Variants in AGPAT3 observed in about 807,000 individuals in gnomAD.
AGPAT3 encodes 1-acyl-sn-glycerol-3-phosphate acyltransferase gamma.
AGPAT3 carries 5 observed loss-of-function variants against 47.3 expected under a neutral mutation model. The observed-to-expected ratio is 0.11, with a 90% CI of 0.06 to 0.22. The LOEUF (loss-of-function observed/expected upper bound fraction) is 0.22, where lower values mean the gene tolerates loss of function less well. Ranked by LOEUF, AGPAT3 falls within the 10% of genes least tolerant of loss-of-function variation. The pLI, the probability that AGPAT3 is intolerant of heterozygous loss-of-function variation, is 1.00. For synonymous variants in AGPAT3, 212 were observed against 208.3 expected (o/e 1.02, Z -0.15); for missense variants, 315 against 493.0 (o/e 0.64, Z 3.42).
chr21:43,944,131 C>T lies in AGPAT3; in HGVS notation c.-48-15503C>T, dbSNP rs1277710327. 5.3e-5 allele frequency among the ~76,000 whole-genome samples: 8 copies of T among 152,258 alleles called. No individual in the cohort carries two copies. In the East Asian group the frequency reaches 9.6e-4, roughly 18 times the overall value. ...AGTATGGAAACGAGCCACAGCACCA[C>T]GTGTGCTAGGGCCCCAGCATTTCAC... On this transcript the variant is annotated intron_variant, in intron 2 of 9. Transcript: ENST00000291572.
rs372807210 is a variant in AGPAT3 at position 43,969,290 on chromosome 21, G to A, written c.510+11G>A. On this transcript the variant is annotated intron_variant, in intron 5 of 9. Coordinates refer to ENST00000291572, the MANE Select transcript of AGPAT3 (RefSeq NM_020132.5). ...CCCGAGTACATGTGGGTGAGTGCGC[G>A]GAGCAGCCCGATACCCTGCATGCCT... The A allele has an allele frequency of 7.8e-5, 126 of 1,614,028 alleles. No individual in the cohort carries two copies. The highest frequency in any genetic ancestry group is 1.6e-4 in the East Asian group (7 of 44,876).
At chr21:43,974,565 T>G (rs987955937) in intron 7 of AGPAT3, among the ~76,000 whole-genome samples, 2 of 150,852 alleles carry the variant, frequency 1.3e-5, no homozygotes, top group Admixed American at 6.6e-5. Context: ...GGTGTGTGTG[T>G]AGTGTGTGTA....
At chr21:43,937,815 T>C (rs1667225882) in intron 2 of AGPAT3, among the ~76,000 whole-genome samples, 1 of 152,134 alleles carries the variant, frequency 6.6e-6, no homozygotes, top group South Asian at 2.1e-4. Context: ...TCATTAACTA[T>C]CTCTAAGGCA....
chr21:43,964,865 G>C (rs936885093), intron 3 of AGPAT3: 3 of 152,382 alleles, frequency 2.0e-5, no homozygotes, highest in Non-Finnish European at 2.9e-5. Context: ...TGCAGTCAGA[G>C]GTATGTGGAA....
chr21:43,953,886 CA>C (rs2088319480), intron 2 of AGPAT3, among the ~76,000 whole-genome samples: 1 of 152,232 alleles, frequency 6.6e-6, no homozygotes, highest in African/African-American at 2.4e-5. Context: ...GTAATCCCAG[CA>C]CTCTGGGAGG....
Position 43,986,771 on chromosome 21 carries a change from T to G in AGPAT3, c.*4379T>G, listed in dbSNP as rs945293840. ...TCTATGATTGAAAATCTGCCATCGC[T>G]GACTGTTGGCCAGTTTCAAAGGGAC... On this transcript the variant is annotated 3_prime_UTR_variant, in exon 10 of 10. Coordinates refer to ENST00000291572, the MANE Select transcript of AGPAT3 (RefSeq NM_020132.5). Among the ~76,000 whole-genome samples, 21 of 152,262 alleles carry G rather than the reference T, an allele frequency of 1.4e-4. No homozygotes were observed. The highest frequency in any genetic ancestry group is 4.8e-4 in the African/African-American group (20 of 41,476).
intron 2 of AGPAT3, among the ~76,000 whole-genome samples, chr21:43,946,152 C>A (rs1307618761): frequency 6.6e-6 from 1 of 152,246 alleles, no homozygotes; most frequent in Non-Finnish European, 1.5e-5. Context: ...GGTTGTCCTG[C>A]AGCCTCAGGT....
intron 1 of AGPAT3, among the ~76,000 whole-genome samples, chr21:43,871,086 G>A (rs117692657): frequency 6.6e-6 from 1 of 152,228 alleles, no homozygotes; most frequent in Non-Finnish European, 1.5e-5. Context: ...AATTACAAAT[G>A]TTGCCAACTG....
rs186436653 is a variant in AGPAT3 at position 43,902,445 on chromosome 21, T to G, written c.-111-1512T>G. The stretch of plus-strand genomic sequence containing the variant: ...GGGCTGCTATAAAAAAAGTTAACAC[T>G]GACTGGCTGGCTTAAGTAACAGAAA... On this transcript the variant is annotated intron_variant, in intron 1 of 9. Coordinates refer to ENST00000291572, the MANE Select transcript of AGPAT3 (RefSeq NM_020132.5). 4.9e-3 allele frequency among the ~76,000 whole-genome samples: 743 copies of G among 152,374 alleles called. 6 individuals carry two copies. The highest frequency in any genetic ancestry group is 0.017 in the African/African-American group (713 of 41,592).
At chr21:43,944,369 A>G (rs550710934) in intron 2 of AGPAT3, among the ~76,000 whole-genome samples, 100 of 151,894 alleles carry the variant, frequency 6.6e-4, no homozygotes, top group Non-Finnish European at 1.2e-3. Flanking sequence ...AATCTGGAGC[A>G]GAGAGAGAGA....
rs2146778858 is a variant in AGPAT3, at chr21:43,970,286, G to A, written c.511-367G>A. On this transcript the variant is annotated intron_variant, in intron 5 of 9. Transcript: ENST00000291572. The surrounding 1 kb of genome is among the most constrained non-coding windows in gnomAD (Gnocchi z 5.8). ...CTCCTAAAGTGCTGGGATTACAGGG[G>A]TGAGCCACCACGCCCGGCCTGCTGT... 6.6e-6 allele frequency among the ~76,000 whole-genome samples: 1 copy of A among 152,276 alleles called. No individual in the cohort carries two copies.
In AGPAT3 at chr21:43,933,994, G is replaced by T. The variant is rs1251935327; in HGVS notation, c.-48-25640G>T. Among the ~76,000 whole-genome samples the T allele has an allele frequency of 1.3e-5, 2 of 152,246 alleles. No homozygotes were observed. The highest frequency in any genetic ancestry group is 2.9e-5 in the Non-Finnish European group (2 of 68,038). On this transcript the variant is annotated intron_variant, in intron 2 of 9. Transcript: ENST00000291572. The surrounding 1 kb of genome is among the most constrained non-coding windows in gnomAD (Gnocchi z 6.0). ...ACTGTGTGGACTGGCCACACCTGGT[G>T]TGCCGCTTCCTTTCTCAGTCATGGC... is the stretch of plus-strand genomic sequence containing the variant.
At position 43,968,037 on chromosome 21, in the gene AGPAT3, A is replaced by C. The variant is rs536360387; in HGVS notation, c.270A>C (p.Ala90=). 1.1e-5 allele frequency: 18 copies of C among 1,613,816 alleles called. No homozygotes were observed. The highest frequency in any genetic ancestry group is 1.4e-5 in the Non-Finnish European group (16 of 1,179,988). The change falls in exon 4 of 10, where the codon GCA becomes GCC. Residue 90 remains alanine (A), a synonymous_variant. Transcript: ENST00000291572. The part of the protein sequence containing the change: ...ATVERFGKEH[A]VIILNHNFEI... ...TAGAGCGCTTTGGGAAGGAGCACGC[A>C]GTCATCATCCTCAACCACAACTTCG...
intron 2 of AGPAT3, among the ~76,000 whole-genome samples, chr21:43,958,756 T>C (rs2146598568): frequency 7.4e-6 from 1 of 134,298 alleles, no homozygotes; most frequent in African/African-American, 2.9e-5. Flanking sequence ...TTGCAGTGTG[T>C]AGTGTGTGTG....
chr21:43,890,446 T>C (rs2086078609), intron 1 of AGPAT3, among the ~76,000 whole-genome samples: 1 of 152,146 alleles, frequency 6.6e-6, no homozygotes, highest in Non-Finnish European at 1.5e-5. Flanking sequence ...AGGGTCTTGC[T>C]CTATTGCCCA....
At position 43,955,370 on chromosome 21, in the gene AGPAT3, A is replaced by G; in HGVS notation, c.-48-4264A>G. The G allele has an allele frequency of 2.6e-6, 1 of 384,608 alleles. No individual in the cohort carries two copies. Among genetic ancestry groups the G allele is most frequent in the Non-Finnish European group, 4.0e-6 (1 of 252,644 alleles). 23.8% of individuals were successfully genotyped at this position (384,608 alleles called of 1,614,324 possible). On this transcript the variant is annotated intron_variant, in intron 2 of 9. Transcript: ENST00000291572. The surrounding 1 kb of genome is among the most constrained non-coding windows in gnomAD (Gnocchi z 4.1). ...GCGGCTTAGCTTGTCAACACCCATA[A>G]CGCTATGCACGGACACTCGGCAAAC... is the stretch of plus-strand genomic sequence containing the variant.
At chr21:43,977,711 A>G (rs2036095272) in intron 7 of AGPAT3, among the ~76,000 whole-genome samples, 1 of 152,070 alleles carries the variant, frequency 6.6e-6, no homozygotes, top group Admixed American at 6.5e-5. Flanking sequence ...CCCCGTCTCT[A>G]CTAAAAAAAA....
intron 1 of AGPAT3, among the ~76,000 whole-genome samples, chr21:43,866,142 T>C (rs1463323925): frequency 6.8e-6 from 1 of 146,034 alleles, no homozygotes; most frequent in Non-Finnish European, 1.5e-5. Context: ...TTTTTTAACT[T>C]TGAGAGAAGT....
chr21:43,975,691 A>G (rs1204771133), intron 7 of AGPAT3, among the ~76,000 whole-genome samples: 1 of 152,174 alleles, frequency 6.6e-6, no homozygotes, highest in Admixed American at 6.5e-5. Context: ...GCCCGTGGAC[A>G]GCAGGTTCCT....
Sources: allele counts gnomAD v4.1 joint callset (sites outside exome capture counted in the v4.1 genomes callset), GRCh38; gene constraint gnomAD v4.1.1; non-coding constraint Gnocchi (gnomAD v3.1); transcripts MANE v1.5; gene names NCBI Gene and HGNC (gene_info 2026-07-23, HGNC 2026-07-21).